CDH18: variants seen among roughly 807,000 people sequenced by gnomAD.
CDH18 encodes cadherin 18, also known as cadherin-18.
In CDH18, 31 loss-of-function variants were observed where a neutral mutation model predicts 67.9. The ratio of observed to expected loss-of-function variants is 0.46; its 90% CI spans 0.34 to 0.62. The LOEUF is 0.62. CDH18 is among the 20% of genes least tolerant of loss of function. The probability of loss-of-function intolerance (pLI) is 0.01; values close to 1 mark genes in which losing one functional copy is unlikely to be tolerated. For synonymous variants in CDH18, 362 were observed against 347.2 expected (o/e 1.04, Z -0.48); for missense variants, 890 against 975.5 (o/e 0.91, Z 1.17).
intron 5 of CDH18, among the ~76,000 whole-genome samples, chr5:19,677,236 G>T (rs112669949): frequency 7.6e-4 from 116 of 152,170 alleles, no homozygotes; most frequent in African/African-American, 2.5e-3. Flanking sequence ...AGCCAGAAGC[G>T]ATTGGGGATG....
intron 1 of CDH18, among the ~76,000 whole-genome samples, chr5:20,388,068 G>A (rs1054260174): frequency 6.6e-6 from 1 of 152,154 alleles, no homozygotes; most frequent in Non-Finnish European, 1.5e-5. Context: ...GTATCAGGAT[G>A]ATGCTGGCCT....
At chr5:20,447,195 C>T (rs982999077) in intron 1 of CDH18, among the ~76,000 whole-genome samples, 4 of 151,328 alleles carry the variant, frequency 2.6e-5, no homozygotes, top group Non-Finnish European at 5.9e-5. Flanking sequence ...TCTCAGTGTC[C>T]TTCTTGTTTA....
chr5:19,788,894 C>T (rs1776082505), intron 3 of CDH18, among the ~76,000 whole-genome samples: 1 of 151,966 alleles, frequency 6.6e-6, no homozygotes, highest in Admixed American at 6.6e-5. Flanking sequence ...TTCTATTTTC[C>T]CTAACTCTGG....
chr5:20,570,789 AG>A (rs1758771384), intron 1 of CDH18, among the ~76,000 whole-genome samples: 1 of 152,268 alleles, frequency 6.6e-6, no homozygotes, highest in East Asian at 1.9e-4. Flanking sequence ...AGCAAAGTAC[AG>A]GTGATTCTAT....
intron 3 of CDH18, among the ~76,000 whole-genome samples, chr5:19,758,119 T>C (rs901578590): frequency 2.2e-4 from 33 of 152,164 alleles, no homozygotes; most frequent in African/African-American, 7.5e-4. Context: ...GTAACTTACT[T>C]GTACCTTCAG....
chr5:19,708,992 A>G (rs1764334035), intron 5 of CDH18, among the ~76,000 whole-genome samples: 1 of 119,532 alleles, frequency 8.4e-6, no homozygotes, highest in Non-Finnish European at 1.7e-5. Flanking sequence ...CGGGCAACAG[A>G]ACTAGACTCT....
At chr5:20,389,886 G>A (rs549482010) in intron 1 of CDH18, among the ~76,000 whole-genome samples, 1 of 152,186 alleles carries the variant, frequency 6.6e-6, no homozygotes, top group South Asian at 2.1e-4. Context: ...AAGAAATGGG[G>A]AAACAATTCC....
Position 19,994,843 on chromosome 5 carries a change from T to TAGAGAG in CDH18, c.-517-2830_-517-2829insCTCTCT, listed in dbSNP as rs1158569828. On this transcript the variant is annotated intron_variant, in intron 2 of 14. Coordinates refer to the CDH18 transcript ENST00000507958. ...TATATAAAGAGAATATATATATATA[T>TAGAGAG]ATATATATATATAGAGAGAGAGAGA... 6.9e-4 allele frequency among the ~76,000 whole-genome samples: 21 copies of TAGAGAG among 30,244 alleles called. 2 individuals carry two copies. The highest frequency in any genetic ancestry group is 9.4e-4 in the Non-Finnish European group (16 of 17,052). 19.8% of individuals were successfully genotyped at this position (30,244 alleles called of 152,430 possible).
chr5:20,476,305 G>T (rs980731207), intron 1 of CDH18, among the ~76,000 whole-genome samples: 8 of 150,164 alleles, frequency 5.3e-5, no homozygotes, highest in African/African-American at 2.0e-4. Context: ...TTAACAGAAG[G>T]TAGTTAATAT....
chr5:20,129,711 T>C (rs1749106919), intron 2 of CDH18, among the ~76,000 whole-genome samples: 2 of 152,022 alleles, frequency 1.3e-5, no homozygotes, highest in Non-Finnish European at 2.9e-5. Flanking sequence ...AGATTACTCA[T>C]GAAGAACATA....
At chr5:19,774,892 G>A (rs1774168186) in intron 3 of CDH18, among the ~76,000 whole-genome samples, 1 of 139,986 alleles carries the variant, frequency 7.1e-6, no homozygotes, top group African/African-American at 2.6e-5. Context: ...TAAGTTGGCA[G>A]TCTACAATTC....
At chr5:20,062,444 T>C (rs1446877149) in intron 2 of CDH18, among the ~76,000 whole-genome samples, 1 of 152,036 alleles carries the variant, frequency 6.6e-6, no homozygotes, top group African/African-American at 2.4e-5. Context: ...TTCTCTTTAA[T>C]TGCTACCCAA....
intron 7 of CDH18, among the ~76,000 whole-genome samples, chr5:19,577,230 AAG>A (rs1021938665): frequency 7.2e-5 from 11 of 152,210 alleles, no homozygotes; most frequent in Non-Finnish European, 1.0e-4. Context: ...AAATATCTAA[AAG>A]AGAGAATTTT....
chr5:20,428,390 G>A (rs1748479914), intron 1 of CDH18, among the ~76,000 whole-genome samples: 1 of 152,156 alleles, frequency 6.6e-6, no homozygotes, highest in Admixed American at 6.5e-5. Flanking sequence ...ATTGTAAATA[G>A]TGCTGAGTAA....
At chr5:20,390,556 C>T (rs1185708910) in intron 1 of CDH18, among the ~76,000 whole-genome samples, 1 of 152,082 alleles carries the variant, frequency 6.6e-6, no homozygotes, top group African/African-American at 2.4e-5. Context: ...TATACTAGTT[C>T]AATCATGTGT....
chr5:20,344,226 G>C (rs1391769232), intron 1 of CDH18, among the ~76,000 whole-genome samples: 1 of 152,026 alleles, frequency 6.6e-6, no homozygotes, highest in East Asian at 1.9e-4. Context: ...GCTGTTCTCA[G>C]GTGAAAATCT....
chr5:20,133,695 A>C (rs1561817437), intron 2 of CDH18, among the ~76,000 whole-genome samples: 2 of 151,836 alleles, frequency 1.3e-5, no homozygotes, highest in Non-Finnish European at 2.9e-5. Flanking sequence ...TTTTCTTTAT[A>C]TTATAATATA....
At chr5:20,123,625 C>G (rs542258634) in intron 2 of CDH18, among the ~76,000 whole-genome samples, 1 of 152,134 alleles carries the variant, frequency 6.6e-6, no homozygotes, top group Non-Finnish European at 1.5e-5. Context: ...GGCTCACTCA[C>G]GCCTGTAATC....
intron 4 of CDH18, among the ~76,000 whole-genome samples, chr5:19,724,625 T>C (rs1375496651): frequency 1.3e-5 from 2 of 152,086 alleles, no homozygotes; most frequent in African/African-American, 4.8e-5. Context: ...TATTGCTTTA[T>C]GGTTTTGCAT....
Sources: allele counts gnomAD v4.1 joint callset (sites outside exome capture counted in the v4.1 genomes callset), GRCh38; gene constraint gnomAD v4.1.1; transcripts MANE v1.5; gene names NCBI Gene and HGNC (gene_info 2026-07-23, HGNC 2026-07-21).